The following RPTOR variants were observed in gnomAD, a reference collection of about 807,000 sequenced individuals.
The protein encoded by RPTOR is regulatory associated protein of MTOR complex 1.
A neutral mutation model predicts 169.9 loss-of-function variants in RPTOR; 21 were observed. The observed-to-expected ratio is 0.12, with a 90% CI of 0.09 to 0.18. The LOEUF is 0.18. Ranked by LOEUF, RPTOR falls within the 10% of genes least tolerant of loss-of-function variation. The pLI is 1.00. For synonymous variants in RPTOR, 732 were observed against 753.2 expected (o/e 0.97, Z 0.46); for missense variants, 1,133 against 1,855.9 (o/e 0.61, Z 7.16).
intron 7 of RPTOR, 37 bp from the exon 8 acceptor site, chr17:80,822,164 T>C (rs2067386462): frequency 1.3e-6 from 2 of 1,587,354 alleles, no homozygotes; most frequent in Non-Finnish European, 1.7e-6. Context: ...CTCTCAGAGC[T>C]GTGGCATCAC....
At chr17:80,706,232 G>T (rs537448058) in intron 3 of RPTOR, among the ~76,000 whole-genome samples, 12 of 152,228 alleles carry the variant, frequency 7.9e-5, no homozygotes, top group Admixed American at 7.8e-4. Flanking sequence ...TGACTGCCTG[G>T]TGTGGCCCCA....
At chr17:80,772,704 A>G (rs557618509) in intron 6 of RPTOR, among the ~76,000 whole-genome samples, 1 of 152,110 alleles carries the variant, frequency 6.6e-6, no homozygotes, top group African/African-American at 2.4e-5. Flanking sequence ...CTGTGAGGTC[A>G]TTATTGAGTT....
chr17:80,840,209 G>C (rs1037201296), intron 10 of RPTOR, among the ~76,000 whole-genome samples: 1 of 152,140 alleles, frequency 6.6e-6, no homozygotes, highest in African/African-American at 2.4e-5. Flanking sequence ...TTTGTGCTTG[G>C]ATGCGTGGAG....
At chr17:80,837,020 T>C (rs551087082) in intron 9 of RPTOR, among the ~76,000 whole-genome samples, 32 of 151,958 alleles carry the variant, frequency 2.1e-4, no homozygotes, top group Middle Eastern at 3.4e-3. Flanking sequence ...GAAAGGGCTG[T>C]GGAAGCTGCA....
intron 6 of RPTOR, among the ~76,000 whole-genome samples, chr17:80,768,927 CT>C (rs2066815024): frequency 6.6e-6 from 1 of 152,140 alleles, no homozygotes; most frequent in African/African-American, 2.4e-5. Context: ...ATTCATGACC[CT>C]TTTTTAAATA....
At chr17:80,830,297 G>A (rs1476057856) in intron 9 of RPTOR, among the ~76,000 whole-genome samples, 1 of 152,032 alleles carries the variant, frequency 6.6e-6, no homozygotes, top group East Asian at 1.9e-4. Flanking sequence ...TTCCGACCCC[G>A]CCCCGCCCCA....
In RPTOR at chr17:80,883,430, G is replaced by A; in HGVS notation, c.1596G>A (p.Arg532=). The part of the protein sequence containing the change: ...LADPYMPAEH[R]TMTAFILAVI... ...TTTTTGTTTTCCAGGCTGAACACCGGACCATGACGGCTTTCATTCTCGCCG... is the reference window on the plus strand; with the variant it reads ...TTTTTGTTTTCCAGGCTGAACACCGAACCATGACGGCTTTCATTCTCGCCG... The change falls in exon 15 of 34, where the codon CGG becomes CGA. Residue 532 remains arginine, a synonymous_variant. Transcript: ENST00000306801. The A allele has an allele frequency of 6.2e-7, 1 of 1,614,142 alleles. No individual in the cohort carries two copies. Among genetic ancestry groups the A allele is most frequent in the Non-Finnish European group, 8.5e-7 (1 of 1,180,024 alleles).
chr17:80,937,358 T>G (rs573530018), intron 24 of RPTOR, among the ~76,000 whole-genome samples: 2 of 152,320 alleles, frequency 1.3e-5, no homozygotes, highest in South Asian at 4.1e-4. Flanking sequence ...GGCTCCCAGA[T>G]TCCCCGGATA....
intron 3 of RPTOR, among the ~76,000 whole-genome samples, chr17:80,700,731 T>TGGTGATGGTAGA (rs1567864672): frequency 6.0e-5 from 1 of 16,590 alleles, no homozygotes; most frequent in African/African-American, 1.9e-4. Flanking sequence ...GTGGTGGTGA[T>TGGTGATGGTAGA]GATGGTGGTG....
chr17:80,594,658 G>A (rs1038504464), intron 1 of RPTOR, among the ~76,000 whole-genome samples: 7 of 152,200 alleles, frequency 4.6e-5, no homozygotes, highest in African/African-American at 1.4e-4. Context: ...CAAGAATAAA[G>A]CCTTTAGAAC....
intron 33 of RPTOR, 53 bp from the exon 34 acceptor site, chr17:80,964,209 C>CCCGGG: frequency 1.5e-6 from 2 of 1,325,552 alleles, no homozygotes; most frequent in Non-Finnish European, 2.2e-6. Flanking sequence ...CCCCGCCCCC[C>CCCGGG]GCAGTGTCTG....
chr17:80,870,652 G>T (rs1302343460), intron 13 of RPTOR, among the ~76,000 whole-genome samples: 1 of 152,258 alleles, frequency 6.6e-6, no homozygotes, highest in African/African-American at 2.4e-5. Context: ...CACAGCAGAA[G>T]GCAGTGCCCT....
At chr17:80,686,287 C>A (rs112344610) in intron 3 of RPTOR, among the ~76,000 whole-genome samples, 1 of 150,872 alleles carries the variant, frequency 6.6e-6, no homozygotes, top group African/African-American at 2.5e-5. Context: ...CCTGGGTTCA[C>A]GCCATTCTCC....
At chr17:80,723,342 T>G (rs963699827) in intron 4 of RPTOR, among the ~76,000 whole-genome samples, 1 of 151,310 alleles carries the variant, frequency 6.6e-6, no homozygotes, top group Admixed American at 6.6e-5. Context: ...ATGGTGGTGC[T>G]GTACCTCCCT....
chr17:80,766,631 G>T (rs921925290), intron 6 of RPTOR, among the ~76,000 whole-genome samples: 5 of 152,188 alleles, frequency 3.3e-5, no homozygotes, highest in African/African-American at 1.2e-4. Flanking sequence ...AGAAATGCTT[G>T]CAAAGGTCCA....
intron 3 of RPTOR, among the ~76,000 whole-genome samples, chr17:80,683,876 G>A (rs745334457): frequency 1.3e-5 from 2 of 152,110 alleles, no homozygotes; most frequent in Non-Finnish European, 2.9e-5. Context: ...CATCAGCCAC[G>A]TTTCCAAGGA....
chr17:80,775,360 C>A (rs774306857), intron 6 of RPTOR, among the ~76,000 whole-genome samples: 1 of 152,172 alleles, frequency 6.6e-6, no homozygotes, highest in African/African-American at 2.4e-5. Flanking sequence ...ATCCTCTCGC[C>A]TCAGCTTTCC....
At chr17:80,906,336 T>C (rs1358607466) in intron 20 of RPTOR, among the ~76,000 whole-genome samples, 3 of 151,246 alleles carry the variant, frequency 2.0e-5, no homozygotes, top group African/African-American at 7.3e-5. Flanking sequence ...GGACCGATTT[T>C]ACATTTCCGA....
chr17:80,735,677 G>A (rs2066428288), intron 5 of RPTOR, among the ~76,000 whole-genome samples: 1 of 152,132 alleles, frequency 6.6e-6, no homozygotes, highest in Non-Finnish European at 1.5e-5. Context: ...TAGCGAGTTG[G>A]GCAGGCGGTA....
Sources: gnomAD v4.1 joint callset for allele counts (sites outside exome capture counted in the v4.1 genomes callset) on GRCh38, gnomAD v4.1.1 for gene constraint, MANE v1.5 for transcripts, NCBI Gene and HGNC (gene_info 2026-07-23, HGNC 2026-07-21) for gene names.